Variants in CNTNAP2 observed in about 807,000 individuals in gnomAD.
The protein encoded by CNTNAP2 is contactin associated protein 2, also known as contactin-associated protein-like 2.
Under a neutral mutation model 155.2 loss-of-function variants are expected in CNTNAP2, and 98 were observed. The observed-to-expected ratio is 0.63, with a 90% CI of 0.54 to 0.75. The LOEUF (loss-of-function observed/expected upper bound fraction) is 0.75, where lower values mean the gene tolerates loss of function less well. Among genes scored for constraint, CNTNAP2 ranks in the 30% least tolerant of loss-of-function variants. The pLI, the probability that CNTNAP2 is intolerant of heterozygous loss-of-function variation, is 0.00. For missense variants in CNTNAP2, 1,727 were observed against 1,688.1 expected (o/e 1.02, Z -0.40); for synonymous variants, 651 against 631.2 (o/e 1.03, Z -0.47).
intron 13 of CNTNAP2, among the ~76,000 whole-genome samples, chr7:147,779,169 A>G (rs1300536563): frequency 1.3e-5 from 2 of 152,236 alleles, no homozygotes; most frequent in Non-Finnish European, 2.9e-5. Context: ...AAGTAAGCTT[A>G]TAGCTGCTAT....
At chr7:146,355,189 C>T (rs1321078789) in intron 1 of CNTNAP2, among the ~76,000 whole-genome samples, 1 of 152,092 alleles carries the variant, frequency 6.6e-6, no homozygotes, top group African/African-American at 2.4e-5. Context: ...TTCTTCTGTA[C>T]CCACATAGAA....
At chr7:146,607,910 G>A (rs185797298) in intron 1 of CNTNAP2, among the ~76,000 whole-genome samples, 1 of 152,104 alleles carries the variant, frequency 6.6e-6, no homozygotes, top group Non-Finnish European at 1.5e-5. Flanking sequence ...TCTCCTTCAA[G>A]TTTACCATGC....
intron 3 of CNTNAP2, among the ~76,000 whole-genome samples, chr7:146,855,263 G>C (rs1389161805): frequency 6.6e-6 from 1 of 152,048 alleles, no homozygotes; most frequent in Non-Finnish European, 1.5e-5. Context: ...TAGCTATAGA[G>C]GGGGATTGGC....
intron 10 of CNTNAP2, among the ~76,000 whole-genome samples, chr7:147,459,817 C>T (rs902130302): frequency 6.6e-6 from 1 of 152,084 alleles, no homozygotes; most frequent in East Asian, 1.9e-4. Flanking sequence ...CAGAAACAGT[C>T]GGAAACTAGC....
chr7:148,000,900 T>A (rs1230775632), intron 15 of CNTNAP2, among the ~76,000 whole-genome samples: 1 of 152,204 alleles, frequency 6.6e-6, no homozygotes, highest in African/African-American at 2.4e-5. Context: ...CTCTGAAGGA[T>A]CTGGGGGAGG....
At chr7:147,933,494 G>GAGATAGATAGATAGATAGATAGAT (rs71183037) in intron 14 of CNTNAP2, among the ~76,000 whole-genome samples, 1 of 120,656 alleles carries the variant, frequency 8.3e-6, no homozygotes, top group African/African-American at 2.9e-5. Context: ...CAGAAAATGT[G>GAGATAGATAGATAGATAGATAGAT]AGATAGATAG....
chr7:148,229,469 G>A (rs776253153), intron 19 of CNTNAP2, among the ~76,000 whole-genome samples, 177 bp from the exon 20 acceptor site: 14 of 152,044 alleles, frequency 9.2e-5, no homozygotes, highest in Non-Finnish European at 1.8e-4. Flanking sequence ...AGGTTGCAGT[G>A]AGCCAAGATC....
intron 13 of CNTNAP2, among the ~76,000 whole-genome samples, chr7:147,865,567 T>C (rs891421176): frequency 3.3e-5 from 5 of 152,288 alleles, no homozygotes; most frequent in Admixed American, 3.3e-4. Flanking sequence ...TGGACTTTTT[T>C]TGATTGGTAG....
At position 146,458,963 on chromosome 7, in the gene CNTNAP2, C is replaced by G. The variant is rs150900513; in HGVS notation, c.98-315308C>G. Among the ~76,000 whole-genome samples the G allele has an allele frequency of 1.8e-3, 274 of 152,220 alleles. 1 individual carries two copies. The highest frequency in any genetic ancestry group is 5.9e-3 in the African/African-American group (244 of 41,520). On this transcript the variant is annotated intron_variant, in intron 1 of 23. Coordinates refer to ENST00000361727, the MANE Select transcript of CNTNAP2 (RefSeq NM_014141.6). ...ATTGGTTTTGCTTCTCTGGAGAACT[C>G]TAATACAATACCCACATAAAATATG...
intron 20 of CNTNAP2, among the ~76,000 whole-genome samples, chr7:148,260,374 CCTAT>C (rs1011721775): frequency 1.8e-4 from 28 of 152,232 alleles, no homozygotes; most frequent in African/African-American, 6.3e-4. Flanking sequence ...CGAGATCATA[CCTAT>C]CTAATATCTA....
chr7:147,401,113 T>C (rs1439588463), intron 10 of CNTNAP2, among the ~76,000 whole-genome samples: 1 of 152,182 alleles, frequency 6.6e-6, no homozygotes, highest in Non-Finnish European at 1.5e-5. Context: ...AGCAAATTCA[T>C]ATTGTTAGAG....
At chr7:146,524,643 C>A (rs1037386619) in intron 1 of CNTNAP2, among the ~76,000 whole-genome samples, 4 of 152,036 alleles carry the variant, frequency 2.6e-5, no homozygotes, top group African/African-American at 9.7e-5. Flanking sequence ...CACCACAATG[C>A]CTTAGAAGGG....
At chr7:148,152,847 C>T (rs1230957145) in intron 17 of CNTNAP2, among the ~76,000 whole-genome samples, 3 of 151,654 alleles carry the variant, frequency 2.0e-5, no homozygotes, top group African/African-American at 2.4e-5. Context: ...GGTGAAACCC[C>T]GTCTCTACTA....
intron 10 of CNTNAP2, among the ~76,000 whole-genome samples, chr7:147,398,228 A>G (rs868691488): frequency 6.6e-6 from 1 of 152,006 alleles, no homozygotes; most frequent in Non-Finnish European, 1.5e-5. Flanking sequence ...TAATCCTTTA[A>G]TGATACACCC....
intron 8 of CNTNAP2, among the ~76,000 whole-genome samples, chr7:147,297,438 A>G (rs1794850981): frequency 1.3e-5 from 2 of 152,220 alleles, no homozygotes; most frequent in Admixed American, 6.5e-5. Context: ...GTAATGAGAA[A>G]CTATAAGGAA....
At chr7:147,359,057 A>T (rs1014567164) in intron 9 of CNTNAP2, among the ~76,000 whole-genome samples, 1 of 152,050 alleles carries the variant, frequency 6.6e-6, no homozygotes, top group Non-Finnish European at 1.5e-5. Flanking sequence ...ATCTCTAGAA[A>T]CCTATGCTTT....
chr7:146,755,314 G>A (rs1223868868), intron 1 of CNTNAP2, among the ~76,000 whole-genome samples: 3 of 151,974 alleles, frequency 2.0e-5, no homozygotes, highest in African/African-American at 7.2e-5. Context: ...AACAGGGACG[G>A]ACTCAAAAGT....
intron 14 of CNTNAP2, among the ~76,000 whole-genome samples, chr7:147,958,700 G>A (rs959095452): frequency 8.6e-5 from 13 of 152,006 alleles, no homozygotes; most frequent in Non-Finnish European, 1.3e-4. Context: ...CTAACATATC[G>A]TGAGCTGAAT....
chr7:147,443,967 T>C (rs1259212869), intron 10 of CNTNAP2, among the ~76,000 whole-genome samples: 2 of 152,190 alleles, frequency 1.3e-5, no homozygotes, highest in African/African-American at 2.4e-5. Context: ...TTTGCTTTCA[T>C]TCTTCTTTGG....
Sources: allele counts gnomAD v4.1 joint callset (sites outside exome capture counted in the v4.1 genomes callset), GRCh38; gene constraint gnomAD v4.1.1; transcripts MANE v1.5; gene names NCBI Gene and HGNC (gene_info 2026-07-23, HGNC 2026-07-21).